NAV1: variants seen among roughly 807,000 people sequenced by gnomAD.
NAV1 encodes the protein neuron navigator 1.
Under a neutral mutation model 175.2 loss-of-function variants are expected in NAV1, and 18 were observed. The ratio of observed to expected loss-of-function variants is 0.10; its 90% CI spans 0.07 to 0.15. The LOEUF (loss-of-function observed/expected upper bound fraction) is 0.15, where lower values mean the gene tolerates loss of function less well. Among genes scored for constraint, NAV1 ranks in the 10% least tolerant of loss-of-function variants. The probability of loss-of-function intolerance (pLI) is 1.00; values close to 1 mark genes in which losing one functional copy is unlikely to be tolerated. For synonymous variants in NAV1, 897 were observed against 978.7 expected (o/e 0.92, Z 1.56); for missense variants, 1,731 against 2,436.6 (o/e 0.71, Z 6.10).
chr1:201,753,592 C>T (rs1674270659), intron 3 of NAV1, among the ~76,000 whole-genome samples: 5 of 152,198 alleles, frequency 3.3e-5, no homozygotes, highest in Admixed American at 3.3e-4. Context: ...AACTCAAACA[C>T]CGTGTGTTTT....
chr1:201,706,474 C>T (rs796618712), intron 1 of NAV1, among the ~76,000 whole-genome samples: 12 of 152,284 alleles, frequency 7.9e-5, no homozygotes, highest in African/African-American at 2.9e-4. Context: ...ATCCCTGGGC[C>T]AAGAGTGATA....
At chr1:201,588,518 A>ATT (rs58689392) in intron 1 of NAV1, among the ~76,000 whole-genome samples, 21 bp from the exon 2 acceptor site, 10,819 of 139,494 alleles carry the variant, frequency 0.078, 531 homozygotes, top group East Asian at 0.22. Flanking sequence ...CAGCTGATTA[A>ATT]TTTTTTTTTT....
rs1670529943 is a variant in NAV1 at position 201,683,097 on chromosome 1, T to C, written c.758-29720T>C. 2.0e-5 allele frequency among the ~76,000 whole-genome samples: 3 copies of C among 152,230 alleles called. No individual in the cohort carries two copies. In the South Asian group the frequency reaches 6.2e-4, roughly 32 times the overall value. ...TAGGATAACACATTACTCTCAGTCA[T>C]CAGATTTCCTTAGGCCCCTCTAGGC... On this transcript the variant is annotated intron_variant, in intron 1 of 29. Coordinates refer to ENST00000367296, the Ensembl canonical transcript of NAV1.
At chr1:201,540,739 T>C (rs1665489581) in intron 1 of NAV1, among the ~76,000 whole-genome samples, 2 of 152,258 alleles carry the variant, frequency 1.3e-5, no homozygotes, top group African/African-American at 4.8e-5. Context: ...TTCCTAGTAG[T>C]ATGTGCTTTC....
intron 3 of NAV1, among the ~76,000 whole-genome samples, chr1:201,768,196 T>C (rs1675331317): frequency 6.6e-6 from 1 of 151,610 alleles, no homozygotes; most frequent in Non-Finnish European, 1.5e-5. Context: ...GTGGTGGTAA[T>C]TACATGCCTG....
At chr1:201,800,751 CAT>C (rs1677802253) in intron 15 of NAV1, among the ~76,000 whole-genome samples, 2 of 147,336 alleles carry the variant, frequency 1.4e-5, no homozygotes, top group African/African-American at 5.0e-5. Context: ...TACAAACAAA[CAT>C]ATATGGATAC....
At chr1:201,564,370 T>C (rs1666294313) in intron 1 of NAV1, among the ~76,000 whole-genome samples, 1 of 152,088 alleles carries the variant, frequency 6.6e-6, no homozygotes, top group South Asian at 2.1e-4. Flanking sequence ...ATCCCAGCAC[T>C]TTGGGAGGCC....
At chr1:201,756,105 C>CAAAAA (rs768758177) in intron 3 of NAV1, among the ~76,000 whole-genome samples, 2 of 56,802 alleles carry the variant, frequency 3.5e-5, no homozygotes, top group African/African-American at 1.2e-4. Context: ...AACTCTGTCT[C>CAAAAA]AAAAAAAAAA....
chr1:201,758,909 T>C lies in NAV1; in HGVS notation c.1227-21512T>C, dbSNP rs560619583. Among the ~76,000 whole-genome samples, 8 of 152,368 alleles carry C rather than the reference T, an allele frequency of 5.3e-5. No individual in the cohort carries two copies. In the South Asian group the frequency reaches 1.0e-3, roughly 20 times the overall value. On this transcript the variant is annotated intron_variant, in intron 3 of 29. Coordinates refer to ENST00000367296, the Ensembl canonical transcript of NAV1. ...TACAATGGCTTTGTTTTCTTCTTAC[T>C]AGCTGTGGGCCCTTGGGCATGTAAC... is the stretch of plus-strand genomic sequence containing the variant.
At chr1:201,680,161 C>T (rs775151712) in intron 1 of NAV1, among the ~76,000 whole-genome samples, 15 of 152,096 alleles carry the variant, frequency 9.9e-5, no homozygotes, top group Non-Finnish European at 1.9e-4. Context: ...AGAAGGTGAA[C>T]GGGGAGCGGG....
chr1:201,804,378 A>C, intron 16 of NAV1, 111 bp from the exon 21 acceptor site: 3 of 1,128,602 alleles, frequency 2.7e-6, no homozygotes, highest in East Asian at 2.6e-5. Context: ...ACACACCCCC[A>C]GACCTTTGTA....
chr1:201,716,288 G>A (rs1285726522), intron 2 of NAV1, among the ~76,000 whole-genome samples: 1 of 152,190 alleles, frequency 6.6e-6, no homozygotes, highest in Non-Finnish European at 1.5e-5. Context: ...TTACTGCACA[G>A]GGCGCTGGAC....
chr1:201,789,649 C>CA, intron 10 of NAV1, 91 bp from the exon 15 acceptor site: 1 of 1,218,674 alleles, frequency 8.2e-7, no homozygotes, highest in Non-Finnish European at 1.2e-6. Context: ...CCTCCAGAAT[C>CA]ACAATCCAAA....
chr1:201,708,440 GCACACACACA>G (rs3053753), intron 1 of NAV1, among the ~76,000 whole-genome samples: 24 of 148,288 alleles, frequency 1.6e-4, no homozygotes, highest in African/African-American at 5.5e-4. Flanking sequence ...CTACTTGCGC[GCACACACACA>G]CACACACACA....
At chr1:201,716,941 C>T (rs946416684) in intron 2 of NAV1, among the ~76,000 whole-genome samples, 9 of 152,122 alleles carry the variant, frequency 5.9e-5, no homozygotes, top group Admixed American at 2.0e-4. Flanking sequence ...GGCATGGACA[C>T]GGTCAGGAAG....
intron 1 of NAV1, among the ~76,000 whole-genome samples, chr1:201,668,711 TG>T (rs1020444093): frequency 6.6e-6 from 1 of 152,100 alleles, no homozygotes; most frequent in African/African-American, 2.4e-5. Context: ...TGTATAAAAT[TG>T]ACACTGGTTC....
upstream of NAV1, among the ~76,000 whole-genome samples, chr1:201,644,876 A>G (rs1348822934): frequency 6.6e-6 from 1 of 152,170 alleles, no homozygotes; most frequent in East Asian, 1.9e-4. Context: ...AAGACAGGGG[A>G]AGGGACCAGG....
In NAV1 at chr1:201,812,639, C is replaced by T. The variant is rs1678761614; in HGVS notation, c.5199C>T (p.His1733=). The T allele has an allele frequency of 1.2e-6, 2 of 1,613,670 alleles. No individual in the cohort carries two copies. Among genetic ancestry groups the T allele is most frequent in the Admixed American group, 3.3e-5 (2 of 60,008 alleles). ...ATCTCCACACCTTCCTTGAGAAGCA[C>T]AGCACCTCAGACTTCCTCATCGGTA... Residue 1733 remains histidine, a synonymous_variant, in exon 27 of 30, where the codon CAC becomes CAT. Transcript: ENST00000367296. The surrounding 1 kb of genome is among the most constrained non-coding windows in gnomAD (Gnocchi z 4.6).
chr1:201,612,396 G>A (rs1667874112), intron 2 of NAV1, among the ~76,000 whole-genome samples: 1 of 152,234 alleles, frequency 6.6e-6, no homozygotes, highest in Non-Finnish European at 1.5e-5. Context: ...TGAGGATGCA[G>A]TGAGCAGTGA....
Sources: gnomAD v4.1 joint callset for allele counts (sites outside exome capture counted in the v4.1 genomes callset) on GRCh38, gnomAD v4.1.1 for gene constraint, Gnocchi (gnomAD v3.1) non-coding constraint, MANE v1.5 for transcripts, NCBI Gene and HGNC (gene_info 2026-07-23, HGNC 2026-07-21) for gene names.